DPP6: variants seen among roughly 807,000 people sequenced by gnomAD.
DPP6 encodes dipeptidyl peptidase like 6.
A neutral mutation model predicts 122.6 loss-of-function variants in DPP6; 69 were observed. That is an observed-to-expected ratio of 0.56 (90% CI 0.46 to 0.69). DPP6 has a LOEUF of 0.69. DPP6 is among the 30% of genes least tolerant of loss of function. The pLI, the probability that DPP6 is intolerant of heterozygous loss-of-function variation, is 0.00. For synonymous variants in DPP6, 418 were observed against 433.1 expected, an observed-to-expected ratio of 0.97 and a Z score of 0.43; for missense variants, 928 against 1,116.9, an observed-to-expected ratio of 0.83 and a Z score of 2.41.
chr7:154,257,610 T>C (rs928979256), intron 1 of DPP6, among the ~76,000 whole-genome samples: 7 of 152,144 alleles, frequency 4.6e-5, no homozygotes, highest in African/African-American at 1.4e-4. Context: ...GGCAGAAGAA[T>C]TTTCTGAACC....
intron 5 of DPP6, among the ~76,000 whole-genome samples, chr7:154,599,875 A>C (rs1364418072): frequency 6.6e-6 from 1 of 152,096 alleles, no homozygotes; most frequent in Non-Finnish European, 1.5e-5. Context: ...GTAGGCACAC[A>C]TGCACCGAGT....
At chr7:154,207,705 A>G (rs570961281) in intron 1 of DPP6, among the ~76,000 whole-genome samples, 1 of 152,386 alleles carries the variant, frequency 6.6e-6, no homozygotes, top group South Asian at 2.1e-4. Flanking sequence ...TATATCTGGA[A>G]GAGATCTTCC....
chr7:154,248,845 A>C (rs1279159954), intron 1 of DPP6, among the ~76,000 whole-genome samples: 1 of 152,140 alleles, frequency 6.6e-6, no homozygotes, highest in Non-Finnish European at 1.5e-5. Flanking sequence ...CAGCCTCAGC[A>C]ACAGAGGGAG....
chr7:153,774,880 A>C, the DPP6 span, among the ~76,000 whole-genome samples: 1 of 152,010 alleles, frequency 6.6e-6, no homozygotes, highest in East Asian at 1.9e-4. Flanking sequence ...GCCCAGGAGG[A>C]TCTCTTGAGC....
the DPP6 span, among the ~76,000 whole-genome samples, chr7:153,841,460 G>A: frequency 4.6e-5 from 7 of 152,044 alleles, no homozygotes; most frequent in Non-Finnish European, 2.9e-5. Flanking sequence ...CAGGCCGCTC[G>A]AACTCATTTT....
the DPP6 span, among the ~76,000 whole-genome samples, chr7:153,758,623 G>A: frequency 6.7e-6 from 1 of 150,228 alleles, no homozygotes; most frequent in African/African-American, 2.5e-5. Flanking sequence ...AATTATTAAA[G>A]TAGGTGGTCT....
At chr7:154,026,752 C>A (rs1798973067) in intron 1 of DPP6, 1 of 151,850 alleles carries the variant, frequency 6.6e-6, no homozygotes, top group South Asian at 2.1e-4. Context: ...TCAAGGACAT[C>A]AATAGCATAA....
intron 1 of DPP6, among the ~76,000 whole-genome samples, chr7:154,140,675 A>C (rs1399754092): frequency 6.6e-6 from 1 of 152,322 alleles, no homozygotes; most frequent in Non-Finnish European, 1.5e-5. Context: ...CAGTCTATAC[A>C]CAATAACCTG....
At chr7:154,479,989 C>G (rs183151797) in intron 3 of DPP6, among the ~76,000 whole-genome samples, 1 of 152,094 alleles carries the variant, frequency 6.6e-6, no homozygotes, top group Non-Finnish European at 1.5e-5. Context: ...TCAACACTGC[C>G]GCTGGCTCTT....
intron 1 of DPP6, among the ~76,000 whole-genome samples, chr7:154,232,372 G>T (rs1338763769): frequency 2.6e-5 from 4 of 152,194 alleles, no homozygotes; most frequent in African/African-American, 9.7e-5. Flanking sequence ...CTCCTCTGGA[G>T]TGATCATCTA....
At chr7:154,371,621 C>T (rs575326399) in intron 1 of DPP6, among the ~76,000 whole-genome samples, 19 of 152,208 alleles carry the variant, frequency 1.2e-4, no homozygotes, top group Admixed American at 9.1e-4. Context: ...TGAATGCACA[C>T]GTCTGTGTGC....
At chr7:154,500,044 C>T (rs1008840035) in intron 3 of DPP6, among the ~76,000 whole-genome samples, 8 of 152,170 alleles carry the variant, frequency 5.3e-5, no homozygotes, top group African/African-American at 1.7e-4. Context: ...TGGGCATGGG[C>T]GGACTGTCAT....
chr7:153,885,839 T>C (rs534087642), upstream of DPP6, among the ~76,000 whole-genome samples: 3 of 152,328 alleles, frequency 2.0e-5, no homozygotes, highest in East Asian at 1.9e-4. Flanking sequence ...TTGTAACCAA[T>C]TGCTCGTGCA....
chr7:154,445,320 C>T (rs572934300), intron 1 of DPP6, among the ~76,000 whole-genome samples: 3 of 152,256 alleles, frequency 2.0e-5, no homozygotes, highest in East Asian at 3.9e-4. Context: ...TAATAATAAT[C>T]CATGTGTAAC....
At chr7:153,943,050 TC>T (rs1376051053) in intron 1 of DPP6, among the ~76,000 whole-genome samples, 1 of 152,168 alleles carries the variant, frequency 6.6e-6, no homozygotes, top group Non-Finnish European at 1.5e-5. Flanking sequence ...CGCCTTTCCA[TC>T]CCCTTTTTGA....
intron 1 of DPP6, among the ~76,000 whole-genome samples, chr7:154,068,001 G>GTC (rs1802861099): frequency 6.6e-6 from 1 of 150,392 alleles, no homozygotes; most frequent in Non-Finnish European, 1.5e-5. Flanking sequence ...GGCTCAAGCA[G>GTC]TCCTCCCACC....
chr7:154,714,834 G>C (rs58702805), intron 7 of DPP6, among the ~76,000 whole-genome samples: 10,053 of 152,206 alleles, frequency 0.066, 810 homozygotes, highest in East Asian at 0.24. Flanking sequence ...AAAATGTCAT[G>C]TATTTTGTAA....
intron 1 of DPP6, among the ~76,000 whole-genome samples, chr7:153,959,013 T>A (rs1420222530): frequency 6.6e-6 from 1 of 152,116 alleles, no homozygotes; most frequent in Non-Finnish European, 1.5e-5. Context: ...CCTGCTGAGA[T>A]GAGTGCAGAG....
rs1563269287 is a variant in DPP6, at chr7:154,166,736, C to T, written c.243+113673C>T. 2.7e-5 allele frequency among the ~76,000 whole-genome samples: 4 copies of T among 146,016 alleles called. No individual in the cohort carries two copies. In the South Asian group the frequency reaches 6.4e-4, roughly 23 times the overall value. On this transcript the variant is annotated intron_variant, in intron 1 of 25. Coordinates refer to ENST00000377770, the MANE Select transcript of DPP6 (RefSeq NM_130797.4). ...GACCAGCCTGGCCAACATGGCGAAA[C>T]CCTGTCTCTACTAAAAATACAAAAA...
Sources: gnomAD v4.1 joint callset for allele counts (sites outside exome capture counted in the v4.1 genomes callset) on GRCh38, gnomAD v4.1.1 for gene constraint, MANE v1.5 for transcripts, NCBI Gene and HGNC (gene_info 2026-07-23, HGNC 2026-07-21) for gene names.